The following DIP2B variants were observed in gnomAD, a reference collection of about 807,000 sequenced individuals.
The protein encoded by DIP2B is disco-interacting protein 2 homolog B.
In DIP2B, 76 loss-of-function variants were observed where a neutral mutation model predicts 198.0. The observed-to-expected ratio is 0.38, with a 90% CI of 0.32 to 0.46. The LOEUF (loss-of-function observed/expected upper bound fraction) is 0.46, where lower values mean the gene tolerates loss of function less well. Ranked by LOEUF, DIP2B falls within the 20% of genes least tolerant of loss-of-function variation. DIP2B has a pLI of 0.99. For synonymous variants in DIP2B, 701 were observed against 739.1 expected, an observed-to-expected ratio of 0.95 and a Z score of 0.84; for missense variants, 1,559 against 1,978.4, an observed-to-expected ratio of 0.79 and a Z score of 4.02.
chr12:50,727,647 T>A lies in DIP2B; in HGVS notation c.3401-56T>A, dbSNP rs1247865926. 2.0e-6 allele frequency: 3 copies of A among 1,515,020 alleles called. No individual in the cohort carries two copies. The African/African-American group carries it at 4.1e-5, about 21-fold the overall frequency. 93.8% of individuals were successfully genotyped at this position (1,515,020 alleles called of 1,614,324 possible). ...CCATAGCAAAGCCACAGAAGAGCAA[T>A]GATTTTCATGTTCCAGCATGTTGGA... is the stretch of plus-strand genomic sequence containing the variant. On this transcript the variant is annotated intron_variant, in intron 28 of 37. Transcript: ENST00000301180.
intron 33 of DIP2B, among the ~76,000 whole-genome samples, chr12:50,734,631 G>T (rs4388959): frequency 6.6e-6 from 1 of 151,876 alleles, no homozygotes; most frequent in African/African-American, 2.4e-5. Flanking sequence ...GGCAGTGAGC[G>T]CTGGCCCAGG....
At chr12:50,736,852 G>T (rs901830972) in intron 34 of DIP2B, among the ~76,000 whole-genome samples, 184 bp from the exon 35 acceptor site, 1 of 152,158 alleles carries the variant, frequency 6.6e-6, no homozygotes. Flanking sequence ...ACTGAGGAAG[G>T]TTCAGTGAGA....
In DIP2B at chr12:50,516,241, C is replaced by CTCTA. The variant is rs1555180930; in HGVS notation, c.100+11004_100+11005insATCT. ...TCTCTCTCTCTCTCTCTCTCTCTCT[C>CTCTA]TCTCTATCTCTATCTCTATCTCTAT... On this transcript the variant is annotated intron_variant, in intron 1 of 37. Coordinates refer to ENST00000301180, the MANE Select transcript of DIP2B (RefSeq NM_173602.3). 9.9e-3 allele frequency among the ~76,000 whole-genome samples: 1,389 copies of CTCTA among 140,948 alleles called. 12 individuals are homozygous for CTCTA. The highest frequency in any genetic ancestry group is 0.024 in the African/African-American group (859 of 36,394). The allele number at this position is 140,948 out of a possible 152,430, so 92.5% of individuals were successfully genotyped here.
chr12:50,705,674 A>T (rs895475464), intron 20 of DIP2B, among the ~76,000 whole-genome samples: 2 of 152,254 alleles, frequency 1.3e-5, no homozygotes. Flanking sequence ...TGACTGTCTC[A>T]TTCTCTTACC....
chr12:50,587,237 C>G (rs1250882614), intron 1 of DIP2B, among the ~76,000 whole-genome samples: 1 of 152,122 alleles, frequency 6.6e-6, no homozygotes, highest in East Asian at 1.9e-4. Flanking sequence ...TCAGAGCTTC[C>G]CACAAAGTCC....
At chr12:50,534,337 A>G (rs368517048) in intron 1 of DIP2B, among the ~76,000 whole-genome samples, 2 of 150,798 alleles carry the variant, frequency 1.3e-5, no homozygotes, top group Non-Finnish European at 3.0e-5. Context: ...TTGAAACCCA[A>G]TGACTGGACT....
intron 31 of DIP2B, among the ~76,000 whole-genome samples, chr12:50,731,809 A>T (rs1385040329): frequency 1.3e-5 from 2 of 152,360 alleles, no homozygotes; most frequent in East Asian, 3.9e-4. Context: ...ATGTAAACAT[A>T]AAAGGGAACT....
intron 16 of DIP2B, 39 bp from the exon 17 acceptor site, chr12:50,697,022 A>C: frequency 6.7e-7 from 1 of 1,496,392 alleles, no homozygotes; most frequent in Non-Finnish European, 9.2e-7. Flanking sequence ...AATGAAAAGC[A>C]TAATTTCAGC....
At chr12:50,553,066 C>T (rs1958441063) in intron 1 of DIP2B, among the ~76,000 whole-genome samples, 5 of 152,056 alleles carry the variant, frequency 3.3e-5, no homozygotes, top group Admixed American at 3.3e-4. Context: ...GAACTCCTGA[C>T]CTCAGGTGAT....
chr12:50,685,752 G>C (rs968692896), intron 10 of DIP2B, 81 bp from the exon 11 acceptor site: 1 of 1,452,570 alleles, frequency 6.9e-7, no homozygotes, highest in East Asian at 2.5e-5. Context: ...CAAAATGCCA[G>C]AGCATTACTA....
intron 1 of DIP2B, among the ~76,000 whole-genome samples, chr12:50,540,417 A>G (rs1008927447): frequency 6.6e-6 from 1 of 151,530 alleles, no homozygotes; most frequent in African/African-American, 2.4e-5. Context: ...CCAGCTATGA[A>G]CATTTTTATA....
chr12:50,664,830 GTTTTTGTTTTTTTTTTTTTTTT>G (rs373478001), intron 4 of DIP2B, among the ~76,000 whole-genome samples: 4 of 99,686 alleles, frequency 4.0e-5, no homozygotes, highest in African/African-American at 1.3e-4. Context: ...TCCTTTTTTG[GTTTTTGTTTTTTTTTTTTTTTT>G]TTTTTTTTTT....
intron 7 of DIP2B, among the ~76,000 whole-genome samples, chr12:50,678,410 A>G (rs962531267): frequency 1.3e-5 from 2 of 152,166 alleles, no homozygotes; most frequent in African/African-American, 2.4e-5. Context: ...CAAAAAATGT[A>G]TATTTTGTGC....
intron 4 of DIP2B, among the ~76,000 whole-genome samples, chr12:50,668,449 C>A (rs1938793621): frequency 6.6e-6 from 1 of 152,152 alleles, no homozygotes; most frequent in Non-Finnish European, 1.5e-5. Context: ...CGCTAAGCTG[C>A]CCCATAGTTG....
intron 1 of DIP2B, among the ~76,000 whole-genome samples, chr12:50,615,037 A>G (rs1203376061): frequency 1.3e-5 from 2 of 152,200 alleles, no homozygotes; most frequent in African/African-American, 2.4e-5. Context: ...TGCCTGGCAC[A>G]TGCACCATTT....
chr12:50,621,898 C>T (rs1036721646), intron 1 of DIP2B, among the ~76,000 whole-genome samples: 1 of 152,234 alleles, frequency 6.6e-6, no homozygotes, highest in African/African-American at 2.4e-5. Context: ...ATTGGCATGG[C>T]TGAACTAGAC....
chr12:50,562,255 TA>T (rs1958525521), intron 1 of DIP2B, among the ~76,000 whole-genome samples: 1 of 152,108 alleles, frequency 6.6e-6, no homozygotes, highest in Non-Finnish European at 1.5e-5. Context: ...GATTCTAGAA[TA>T]CAGAAGGTTA....
At chr12:50,659,833 C>G (rs1425920479) in intron 3 of DIP2B, among the ~76,000 whole-genome samples, 1 of 152,240 alleles carries the variant, frequency 6.6e-6, no homozygotes, top group East Asian at 1.9e-4. Context: ...CAGGCACCTG[C>G]ACAGCGCTCA....
chr12:50,507,886 T>C (rs182661984), intron 1 of DIP2B, among the ~76,000 whole-genome samples: 21 of 151,930 alleles, frequency 1.4e-4, no homozygotes, highest in Admixed American at 2.0e-4. Context: ...CACTCATTTC[T>C]CTATTTTCAT....
Sources: gnomAD v4.1 joint callset for allele counts (sites outside exome capture counted in the v4.1 genomes callset) on GRCh38, gnomAD v4.1.1 for gene constraint, MANE v1.5 for transcripts, NCBI Gene and HGNC (gene_info 2026-07-23, HGNC 2026-07-21) for gene names.